INPP5A: variants seen among roughly 807,000 people sequenced by gnomAD.
The protein encoded by INPP5A is inositol polyphosphate-5-phosphatase A.
A neutral mutation model predicts 65.2 loss-of-function variants in INPP5A; 14 were observed. That is an observed-to-expected ratio of 0.21 (90% CI 0.14 to 0.34). INPP5A has a LOEUF of 0.34. Ranked by LOEUF, INPP5A falls within the 10% of genes least tolerant of loss-of-function variation. INPP5A has a pLI of 1.00. For missense variants in INPP5A, 431 were observed against 545.6 expected, an observed-to-expected ratio of 0.79 and a Z score of 2.09; for synonymous variants, 207 against 208.3, an observed-to-expected ratio of 0.99 and a Z score of 0.05.
chr10:132,688,493 G>T (rs2134478277), intron 4 of INPP5A, among the ~76,000 whole-genome samples: 1 of 152,354 alleles, frequency 6.6e-6, no homozygotes, highest in South Asian at 2.1e-4. Flanking sequence ...TAGCTCTGCA[G>T]CCCCGTAGGG....
At chr10:132,778,282 A>ATT (rs1258791183) in intron 13 of INPP5A, among the ~76,000 whole-genome samples, 1 of 61,744 alleles carries the variant, frequency 1.6e-5, no homozygotes, top group African/African-American at 6.1e-5. Context: ...ATTTCCTGTG[A>ATT]TTTTTTTTTT....
rs959200802 is a variant in INPP5A at position 132,547,876 on chromosome 10, C to T, written c.75+9705C>T. Among the ~76,000 whole-genome samples the T allele has an allele frequency of 2.0e-5, 3 of 151,768 alleles. No individual in the cohort carries two copies. Among genetic ancestry groups the T allele is most frequent in the South Asian group, 2.1e-4 (1 of 4,796 alleles). ...CAGGTGTGCTGGCCTTTGGCAGCAG[C>T]GTCTGGGGTGGGGACCATGGTGTCT... On this transcript the variant is annotated intron_variant, in intron 1 of 15. Coordinates refer to ENST00000368594, the MANE Select transcript of INPP5A (RefSeq NM_005539.5). The surrounding 1 kb of genome is among the most constrained non-coding windows in gnomAD (Gnocchi z 5.5).
intron 11 of INPP5A, among the ~76,000 whole-genome samples, chr10:132,756,532 G>A (rs189547315): frequency 8.5e-4 from 130 of 152,348 alleles, no homozygotes; most frequent in Middle Eastern, 6.8e-3. Context: ...GCTGTGTGAT[G>A]TAACTGTTGT....
chr10:132,706,758 G>C lies in INPP5A; in HGVS notation c.475-1555G>C, dbSNP rs1032175068. Among the ~76,000 whole-genome samples, 1 of 152,224 alleles carries C rather than the reference G, an allele frequency of 6.6e-6. No individual in the cohort carries two copies. The highest frequency in any genetic ancestry group is 1.9e-4 in the East Asian group (1 of 5,192). On this transcript the variant is annotated intron_variant, in intron 6 of 15. Coordinates refer to ENST00000368594, the MANE Select transcript of INPP5A (RefSeq NM_005539.5). The surrounding 1 kb of genome is among the most constrained non-coding windows in gnomAD (Gnocchi z 4.7). Reference sequence around the variant, plus strand: ...AGAGCCTTGCCCAGGAGGGAGCTGTGGGGGCCACTGTCCTGGAGGGAGACA... The same window carrying C: ...AGAGCCTTGCCCAGGAGGGAGCTGTCGGGGCCACTGTCCTGGAGGGAGACA...
intron 1 of INPP5A, among the ~76,000 whole-genome samples, chr10:132,568,189 C>CAAAAA (rs56217302): frequency 1.6e-5 from 1 of 61,984 alleles, no homozygotes; most frequent in African/African-American, 6.2e-5. Context: ...GACTCCGTCT[C>CAAAAA]AAAAAAAAAA....
rs753036613 is a variant in INPP5A at position 132,616,851 on chromosome 10, G to A, written c.117+8895G>A. Among the ~76,000 whole-genome samples, 11 of 152,054 alleles carry A rather than the reference G, an allele frequency of 7.2e-5. No homozygotes were observed. Among genetic ancestry groups the A allele is most frequent in the Admixed American group, 5.2e-4 (8 of 15,272 alleles). Reference sequence around the variant, plus strand: ...CAGCAGGGAGGAAGGCCAGCTTCACGCTGCAGGAGCTCCTGGGCAGTCTGT... The same window carrying A: ...CAGCAGGGAGGAAGGCCAGCTTCACACTGCAGGAGCTCCTGGGCAGTCTGT... On this transcript the variant is annotated intron_variant, in intron 2 of 15. Coordinates refer to ENST00000368594, the MANE Select transcript of INPP5A (RefSeq NM_005539.5). This position sits in a 1 kb window ranked among gnomAD's most constrained non-coding sequence, Gnocchi z 4.9.
chr10:132,756,307 GTA>G (rs1348691181), intron 11 of INPP5A, among the ~76,000 whole-genome samples: 1 of 152,140 alleles, frequency 6.6e-6, no homozygotes, highest in Non-Finnish European at 1.5e-5. Context: ...TGTGTGTGGT[GTA>G]TGTGTGTATG....
intron 2 of INPP5A, among the ~76,000 whole-genome samples, chr10:132,612,211 G>A (rs1289863534): frequency 2.8e-5 from 4 of 144,190 alleles, no homozygotes; most frequent in Non-Finnish European, 6.1e-5. Context: ...GAGGAAGTGA[G>A]GTGGGCAGGG....
At chr10:132,700,547 A>G (rs1201372680) in intron 6 of INPP5A, among the ~76,000 whole-genome samples, 1 of 152,162 alleles carries the variant, frequency 6.6e-6, no homozygotes, top group African/African-American at 2.4e-5. Context: ...TTTTAACCCC[A>G]CAGAGCCTAT....
chr10:132,769,858 G>A (rs528420906), intron 12 of INPP5A, among the ~76,000 whole-genome samples: 54 of 152,042 alleles, frequency 3.6e-4, no homozygotes, highest in African/African-American at 1.2e-3. Flanking sequence ...CTCAGGTGGC[G>A]GCGATTTGGA....
Position 132,731,224 on chromosome 10 carries a change from A to C in INPP5A, c.732+4319A>C, listed in dbSNP as rs369462311. 5.2e-3 allele frequency among the ~76,000 whole-genome samples: 789 copies of C among 151,336 alleles called. 13 individuals carry two copies. The highest frequency in any genetic ancestry group is 0.017 in the African/African-American group (700 of 41,174). On this transcript the variant is annotated intron_variant, in intron 9 of 15. Transcript: ENST00000368594. ...CAGAGAACAGAGAAGGCGGCCCTGG[A>C]GGTGACCGCACCCCTCCCGCATATC...
In INPP5A at chr10:132,770,087, G is replaced by A. The variant is rs549447539; in HGVS notation, c.977+4241G>A. 5.9e-5 allele frequency among the ~76,000 whole-genome samples: 9 copies of A among 152,272 alleles called. No homozygotes were observed. In the South Asian group the frequency reaches 1.2e-3, roughly 21 times the overall value. ...CATGTAGAACAGGGCTGGCGAGGGC[G>A]GCGCCTCTGGAACCAGAGTCCCACC... On this transcript the variant is annotated intron_variant, in intron 12 of 15. Coordinates refer to ENST00000368594, the MANE Select transcript of INPP5A (RefSeq NM_005539.5).
rs2134584668 is a variant in INPP5A at position 132,727,925 on chromosome 10, T to C, written c.732+1020T>C. On this transcript the variant is annotated intron_variant, in intron 9 of 15. Coordinates refer to ENST00000368594, the MANE Select transcript of INPP5A (RefSeq NM_005539.5). This position sits in a 1 kb window ranked among gnomAD's most constrained non-coding sequence, Gnocchi z 6.5. ...GTCCCCGAGACTGTTATCTTCCCATTTTAGTCTCCAGTTCCAAACACCCAC... is the reference window on the plus strand; with the variant it reads ...GTCCCCGAGACTGTTATCTTCCCATCTTAGTCTCCAGTTCCAAACACCCAC... Among the ~76,000 whole-genome samples the C allele has an allele frequency of 6.6e-6, 1 of 152,240 alleles. No individual in the cohort carries two copies. The highest frequency in any genetic ancestry group is 2.1e-4 in the South Asian group (1 of 4,816).
At chr10:132,763,151 A>T (rs1466701808) in intron 11 of INPP5A, among the ~76,000 whole-genome samples, 1 of 152,242 alleles carries the variant, frequency 6.6e-6, no homozygotes, top group African/African-American at 2.4e-5. Context: ...GATTCAGGGA[A>T]CCTGCCATCA....
At chr10:132,722,635 G>A (rs1036943116) in intron 8 of INPP5A, among the ~76,000 whole-genome samples, 1 of 152,302 alleles carries the variant, frequency 6.6e-6, no homozygotes, top group African/African-American at 2.4e-5. Context: ...TCGTGAGGTC[G>A]CAGTTGTCCT....
intron 1 of INPP5A, among the ~76,000 whole-genome samples, chr10:132,577,589 A>C (rs914552203): frequency 1.3e-5 from 2 of 152,286 alleles, no homozygotes; most frequent in Non-Finnish European, 2.9e-5. Context: ...GGTCAGGTGG[A>C]AAGTGGCAGC....
chr10:132,743,764 C>T (rs1176923820), intron 9 of INPP5A, among the ~76,000 whole-genome samples: 4 of 152,188 alleles, frequency 2.6e-5, no homozygotes, highest in Admixed American at 2.6e-4. Flanking sequence ...CTCACTGGAG[C>T]GCAGACGTTA....
rs530388604 is a variant in INPP5A, at chr10:132,660,082, C to T, written c.306+9577C>T. 9.8e-5 allele frequency among the ~76,000 whole-genome samples: 15 copies of T among 152,346 alleles called. No homozygotes were observed. The South Asian group carries it at 3.1e-3, about 32-fold the overall frequency. The stretch of plus-strand genomic sequence containing the variant: ...CGGCACGTTCTGACGTCTGCCAATG[C>T]GTGACACACGGCACATTATAATGAT... On this transcript the variant is annotated intron_variant, in intron 4 of 15. Transcript: ENST00000368594.
chr10:132,589,294 G>A (rs922941402), intron 1 of INPP5A, among the ~76,000 whole-genome samples: 2 of 152,246 alleles, frequency 1.3e-5, no homozygotes, highest in East Asian at 1.9e-4. Flanking sequence ...GTGCGCATGC[G>A]GGCTCGAGGA....
Sources: allele counts gnomAD v4.1 joint callset (sites outside exome capture counted in the v4.1 genomes callset), GRCh38; gene constraint gnomAD v4.1.1; non-coding constraint Gnocchi (gnomAD v3.1); transcripts MANE v1.5; gene names NCBI Gene and HGNC (gene_info 2026-07-23, HGNC 2026-07-21).